Variants in CDH6 observed in about 807,000 individuals in gnomAD.
CDH6 encodes the protein cadherin-6.
In CDH6, 31 loss-of-function variants were observed where a neutral mutation model predicts 78.0. The ratio of observed to expected loss-of-function variants is 0.40; its 90% CI spans 0.30 to 0.54. The LOEUF (loss-of-function observed/expected upper bound fraction) is 0.54, where lower values mean the gene tolerates loss of function less well. CDH6 is among the 20% of genes least tolerant of loss of function. The probability of loss-of-function intolerance (pLI) is 0.56; values close to 1 mark genes in which losing one functional copy is unlikely to be tolerated. For synonymous variants in CDH6, 376 were observed against 368.8 expected, an observed-to-expected ratio of 1.02 and a Z score of -0.23; for missense variants, 724 against 975.9, an observed-to-expected ratio of 0.74 and a Z score of 3.44.
At position 31,328,175 on chromosome 5, in the gene CDH6, C is replaced by CTTT. The variant is rs151043213; in HGVS notation, c.*4886_*4888dup. The stretch of plus-strand genomic sequence containing the variant: ...AGAGCTTTTACAAGTTGCTTAATTC[C>CTTT]TTTTTTTTTTTTTTTTTTTTTCAAA... On this transcript the variant is annotated 3_prime_UTR_variant, in exon 12 of 12. Transcript: ENST00000265071. 1,108 of 122,044 alleles carry CTTT rather than the reference C, an allele frequency of 9.1e-3. 32 individuals are homozygous for CTTT. The highest frequency in any genetic ancestry group is 0.034 in the African/African-American group (949 of 27,878). 7.6% of individuals were successfully genotyped at this position (122,044 alleles called of 1,614,324 possible). A position where few individuals can be genotyped will look rare whatever the true frequency, so the allele number is the denominator to read the frequency against.
rs762959568 is a variant in CDH6, at chr5:31,317,368, C to G, written c.1513-7C>G. ...ATTTTATGGCAGCGTTTTGGTTTTT[C>G]TCTTAGTTGATTCAGACCCTGCATG... On this transcript the variant is annotated splice_polypyrimidine_tract_variant and splice_region_variant and intron_variant, in intron 9 of 11. Coordinates refer to ENST00000265071, the MANE Select transcript of CDH6 (RefSeq NM_004932.4). The G allele has an allele frequency of 7.0e-7, 1 of 1,433,808 alleles. No individual in the cohort carries two copies. Among genetic ancestry groups the G allele is most frequent in the South Asian group, 1.2e-5 (1 of 81,562 alleles). 88.8% of individuals were successfully genotyped at this position (1,433,808 alleles called of 1,614,324 possible).
intron 1 of CDH6, among the ~76,000 whole-genome samples, chr5:31,235,423 T>C (rs932804204): frequency 2.6e-5 from 4 of 152,136 alleles, no homozygotes; most frequent in African/African-American, 9.7e-5. Context: ...GACAGTTATA[T>C]AGCTATCCTC....
rs1200620989 is a variant in CDH6, at chr5:31,319,416, G to A, written c.1882+1492G>A. Among the ~76,000 whole-genome samples the A allele has an allele frequency of 3.9e-5, 6 of 152,224 alleles. No homozygotes were observed. The East Asian group carries it at 1.2e-3, about 29-fold the overall frequency. ...GTTAGGTATACACCATAGGTCAGAT[G>A]CTGTGCAAGATGCTTTACAAAGGTT... is the stretch of plus-strand genomic sequence containing the variant. On this transcript the variant is annotated intron_variant, in intron 11 of 11. Transcript: ENST00000265071.
chr5:31,309,155 A>G (rs796191903), intron 7 of CDH6, among the ~76,000 whole-genome samples: 20 of 152,268 alleles, frequency 1.3e-4, no homozygotes, highest in African/African-American at 4.8e-4. Context: ...ACATAAGTTT[A>G]TGTACATTGA....
intron 5 of CDH6, among the ~76,000 whole-genome samples, chr5:31,299,859 C>A (rs1209635245): frequency 3.9e-5 from 6 of 152,128 alleles, no homozygotes; most frequent in Non-Finnish European, 8.8e-5. Flanking sequence ...GTTGTAAAGG[C>A]AACATCATTG....
chr5:31,225,316 A>T lies in CDH6; in HGVS notation c.-129+31430A>T, dbSNP rs1741121168. Among the ~76,000 whole-genome samples, 3 of 152,190 alleles carry T rather than the reference A, an allele frequency of 2.0e-5. No homozygotes were observed. The South Asian group carries it at 6.2e-4, about 32-fold the overall frequency. On this transcript the variant is annotated intron_variant, in intron 1 of 11. Transcript: ENST00000265071. Reference sequence around the variant, plus strand: ...ACATCATCCCTCAGAGTCTCAGAGGATGTGAGCCATGTATTCTTTGGGCTT... The same window carrying T: ...ACATCATCCCTCAGAGTCTCAGAGGTTGTGAGCCATGTATTCTTTGGGCTT...
At chr5:31,257,267 A>T (rs1281466019) in intron 1 of CDH6, among the ~76,000 whole-genome samples, 1 of 152,130 alleles carries the variant, frequency 6.6e-6, no homozygotes. Context: ...GGTTCACGCC[A>T]TTCTCCTGCC....
intron 1 of CDH6, among the ~76,000 whole-genome samples, chr5:31,257,035 C>G (rs1277391802): frequency 6.6e-6 from 1 of 152,196 alleles, no homozygotes; most frequent in East Asian, 1.9e-4. Context: ...CACATCCATG[C>G]CTTTTCAAAC....
chr5:31,267,379 G>A lies in CDH6; in HGVS notation c.-95G>A. ...TGAGAGCCAAGCAAAGAACATTAAG[G>A]AAGGAAGGAGGAATGAGGCTGGATA... On this transcript the variant is annotated 5_prime_UTR_variant, in exon 2 of 12. Coordinates refer to ENST00000265071, the MANE Select transcript of CDH6 (RefSeq NM_004932.4). The A allele has an allele frequency of 1.2e-6, 1 of 831,258 alleles. No individual in the cohort carries two copies. The highest frequency in any genetic ancestry group is 2.0e-6 in the Non-Finnish European group (1 of 498,166). The allele number at this position is 831,258 out of a possible 1,614,324, so 51.5% of individuals were successfully genotyped here.
chr5:31,304,611 G>A (rs892451795), intron 6 of CDH6, among the ~76,000 whole-genome samples: 3 of 151,258 alleles, frequency 2.0e-5, no homozygotes, highest in Admixed American at 2.0e-4. Context: ...CTTGAATCCG[G>A]GAGGCAGTGG....
chr5:31,200,559 C>CACAT (rs748373395), intron 1 of CDH6, among the ~76,000 whole-genome samples: 5 of 132,180 alleles, frequency 3.8e-5, no homozygotes, highest in Non-Finnish European at 6.4e-5. Context: ...TAAAATTTCA[C>CACAT]ACATACATAC....
chr5:31,207,785 A>T (rs1041921334), intron 1 of CDH6, among the ~76,000 whole-genome samples: 5 of 152,140 alleles, frequency 3.3e-5, no homozygotes, highest in Non-Finnish European at 5.9e-5. Flanking sequence ...TAATAATTTG[A>T]TTTCTTTGGA....
At chr5:31,218,602 T>A (rs1475993510) in intron 1 of CDH6, among the ~76,000 whole-genome samples, 1 of 152,124 alleles carries the variant, frequency 6.6e-6, no homozygotes, top group Non-Finnish European at 1.5e-5. Context: ...ATTCAGCCCA[T>A]CAGAGCACAG....
intron 7 of CDH6, 106 bp downstream of exon 7, chr5:31,305,533 C>A: frequency 8.3e-7 from 1 of 1,200,428 alleles, no homozygotes; most frequent in Non-Finnish European, 1.2e-6. Flanking sequence ...TCCAATTAGA[C>A]AACTGTGTTT....
chr5:31,211,059 T>G (rs1740691578), intron 1 of CDH6, among the ~76,000 whole-genome samples: 2 of 152,230 alleles, frequency 1.3e-5, no homozygotes, highest in South Asian at 4.1e-4. Flanking sequence ...TTCCTATCTT[T>G]TATTTTAGCC....
In CDH6 at chr5:31,305,335, C is replaced by T. The variant is rs1202221754; in HGVS notation, c.1161C>T (p.Ala387=). The T allele has an allele frequency of 1.9e-6, 3 of 1,614,078 alleles. No individual in the cohort carries two copies. The highest frequency in any genetic ancestry group is 2.7e-5 in the African/African-American group (2 of 75,044). Residue 387 remains alanine, a synonymous_variant, in exon 7 of 12, where the codon GCC becomes GCT. Coordinates refer to ENST00000265071, the MANE Select transcript of CDH6 (RefSeq NM_004932.4). ...AGCCACCTGTCTTCAGCAAACTGGC[C>T]TACATCTTACAAATAAGAGAAGATG... is the stretch of plus-strand genomic sequence containing the variant. ...VDEPPVFSKL[A]YILQIREDAQ...
In CDH6 at chr5:31,328,937, T is replaced by A. The variant is rs534711029; in HGVS notation, c.*5629T>A. Reference sequence around the variant, plus strand: ...TCGAGAGTATTACCTTTTAGCTCAGTGTGGCCGGGCCTTTTGTTGCAGTCA... The same window carrying A: ...TCGAGAGTATTACCTTTTAGCTCAGAGTGGCCGGGCCTTTTGTTGCAGTCA... On this transcript the variant is annotated 3_prime_UTR_variant, in exon 12 of 12. Coordinates refer to ENST00000265071, the MANE Select transcript of CDH6 (RefSeq NM_004932.4). 13 of 221,582 alleles carry A rather than the reference T, an allele frequency of 5.9e-5. No homozygotes were observed. The highest frequency in any genetic ancestry group is 2.9e-4 in the African/African-American group (13 of 44,778). The allele number at this position is 221,582 out of a possible 1,614,324, so 13.7% of individuals were successfully genotyped here.
rs1306513558 is a variant in CDH6, at chr5:31,324,241, A to T, written c.*933A>T. On this transcript the variant is annotated 3_prime_UTR_variant, in exon 12 of 12. Coordinates refer to ENST00000265071, the MANE Select transcript of CDH6 (RefSeq NM_004932.4). The stretch of plus-strand genomic sequence containing the variant: ...ATAGTTGTCAGTATTATTCTACTAT[A>T]CTGTACATGAAAGTAGCAGTGTGAA... 2 of 212,464 alleles carry T rather than the reference A, an allele frequency of 9.4e-6. No homozygotes were observed. Among genetic ancestry groups the T allele is most frequent in the African/African-American group, 4.5e-5 (2 of 44,294 alleles). The allele number at this position is 212,464 out of a possible 1,614,324, so 13.2% of individuals were successfully genotyped here. A position where few individuals can be genotyped will look rare whatever the true frequency, so the allele number is the denominator to read the frequency against.
In CDH6 at chr5:31,282,248, A is replaced by G. The variant is rs527908599; in HGVS notation, c.229-11714A>G. Among the ~76,000 whole-genome samples, 7 of 152,276 alleles carry G rather than the reference A, an allele frequency of 4.6e-5. No homozygotes were observed. In the East Asian group the frequency reaches 1.4e-3, roughly 29 times the overall value. On this transcript the variant is annotated intron_variant, in intron 2 of 11. Transcript: ENST00000265071. The stretch of plus-strand genomic sequence containing the variant: ...ACTGGGCTAAAATCAAGGTGTCTGC[A>G]AGATGTCTTTATGGAGGCTTCAGGG...
Sources: allele counts gnomAD v4.1 joint callset (sites outside exome capture counted in the v4.1 genomes callset), GRCh38; gene constraint gnomAD v4.1.1; transcripts MANE v1.5; gene names NCBI Gene and HGNC (gene_info 2026-07-23, HGNC 2026-07-21).